CBFA2T3: variants seen among roughly 807,000 people sequenced by gnomAD.
CBFA2T3 encodes the protein transcriptional corepressor CBFA2T3.
CBFA2T3 carries 31 observed loss-of-function variants against 58.6 expected under a neutral mutation model. The ratio of observed to expected loss-of-function variants is 0.53; its 90% CI spans 0.40 to 0.71. The LOEUF (loss-of-function observed/expected upper bound fraction) is 0.71, where lower values mean the gene tolerates loss of function less well. Ranked by LOEUF, CBFA2T3 falls within the 30% of genes least tolerant of loss-of-function variation. The probability of loss-of-function intolerance (pLI) is 0.00; values close to 1 mark genes in which losing one functional copy is unlikely to be tolerated. For synonymous variants in CBFA2T3, 531 were observed against 421.9 expected (o/e 1.26, Z -3.17); for missense variants, 1,076 against 963.1 (o/e 1.12, Z -1.55).
At position 88,885,895 on chromosome 16, in the gene CBFA2T3, G is replaced by A. The variant is rs1453847008; in HGVS notation, c.893+66C>T. ...CAGAGGAGGTTCCCTCTCTTACCCA[G>A]AGGGGAGCAGGGTGAGCCGCGTGTC... On this transcript the variant is annotated intron_variant, in intron 6 of 11. Transcript: ENST00000268679. This position sits in a 1 kb window ranked among gnomAD's most constrained non-coding sequence, Gnocchi z 5.3. 1.4e-6 allele frequency: 2 copies of A among 1,416,882 alleles called. No individual in the cohort carries two copies. The highest frequency in any genetic ancestry group is 9.6e-7 in the Non-Finnish European group (1 of 1,037,944). The allele number at this position is 1,416,882 out of a possible 1,614,324, so 87.8% of individuals were successfully genotyped here. A position where few individuals can be genotyped will look rare whatever the true frequency, so the allele number is the denominator to read the frequency against.
At chr16:88,888,371 G>A (rs915356685) in intron 5 of CBFA2T3, among the ~76,000 whole-genome samples, 5 of 143,278 alleles carry the variant, frequency 3.5e-5, no homozygotes, top group African/African-American at 1.3e-4. Flanking sequence ...GGGACTGGCT[G>A]GGGGTCACTC....
chr16:88,935,314 A>G (rs1452147918), intron 1 of CBFA2T3, among the ~76,000 whole-genome samples: 1 of 152,154 alleles, frequency 6.6e-6, no homozygotes, highest in African/African-American at 2.4e-5. Context: ...TGTGGTGGCC[A>G]AGGCAAGGGG....
In CBFA2T3 at chr16:88,885,110, G is replaced by A; in HGVS notation, c.1053C>T (p.His351=). 3 of 1,602,764 alleles carry A rather than the reference G, an allele frequency of 1.9e-6. No individual in the cohort carries two copies. The highest frequency in any genetic ancestry group is 2.5e-6 in the Non-Finnish European group (3 of 1,177,420). The stretch of plus-strand genomic sequence containing the variant: ...GGTGGCGGTAGGCATCTCGGAAGTG[G>A]TGGGCCATGGCTATGTCCTCCAGGC... ...HYRLEDIAMA[H]HFRDAYRHPD... is the part of the protein sequence containing the mutation. Residue 351 remains histidine (H), a synonymous_variant, in exon 7 of 12, where the codon CAC becomes CAT. Transcript: ENST00000268679. The surrounding 1 kb of genome is among the most constrained non-coding windows in gnomAD (Gnocchi z 5.3).
rs1969796080 is a variant in CBFA2T3, at chr16:88,894,488, TAC to T, written c.380-2005_380-2004del. Among the ~76,000 whole-genome samples, 4 of 119,156 alleles carry T rather than the reference TAC, an allele frequency of 3.4e-5. 1 individual carries two copies. The South Asian group carries it at 7.5e-4, about 22-fold the overall frequency. The allele number at this position is 119,156 out of a possible 152,430, so 78.2% of individuals were successfully genotyped here. A position where few individuals can be genotyped will look rare whatever the true frequency, so the allele number is the denominator to read the frequency against. The stretch of plus-strand genomic sequence containing the variant: ...CATACATATACACATGCACACAATG[TAC>T]ACACATGCACACACACATGCACACA... On this transcript the variant is annotated intron_variant, in intron 3 of 11. Transcript: ENST00000268679.
chr16:88,913,178 C>T (rs1045594818), intron 1 of CBFA2T3, among the ~76,000 whole-genome samples: 6 of 152,230 alleles, frequency 3.9e-5, no homozygotes, highest in South Asian at 4.1e-4. Flanking sequence ...TGAGCCTGGA[C>T]GTCAGCGGCG....
intron 1 of CBFA2T3, among the ~76,000 whole-genome samples, chr16:88,917,877 T>C (rs1021671500): frequency 2.0e-5 from 3 of 151,646 alleles, no homozygotes; most frequent in African/African-American, 7.3e-5. Context: ...AGAGCGTGGG[T>C]GCGGACGAGA....
intron 11 of CBFA2T3, among the ~76,000 whole-genome samples, chr16:88,877,992 C>T (rs1968904839): frequency 1.3e-5 from 2 of 152,250 alleles, no homozygotes; most frequent in Non-Finnish European, 2.9e-5. Flanking sequence ...CACCCCACCT[C>T]GCCCTCACTG....
intron 1 of CBFA2T3, among the ~76,000 whole-genome samples, chr16:88,936,063 A>ACC (rs1263712134): frequency 6.6e-6 from 1 of 152,114 alleles, no homozygotes; most frequent in Non-Finnish European, 1.5e-5. Context: ...CCCACCTGTA[A>ACC]GAGGGTCTCA....
At chr16:88,909,446 C>T (rs1232834624) in intron 1 of CBFA2T3, among the ~76,000 whole-genome samples, 2 of 152,220 alleles carry the variant, frequency 1.3e-5, no homozygotes, top group Non-Finnish European at 2.9e-5. Flanking sequence ...ACCCCAGCGG[C>T]GGCTGGGACG....
chr16:88,910,546 C>A (rs1243509712), intron 1 of CBFA2T3, among the ~76,000 whole-genome samples: 1 of 152,210 alleles, frequency 6.6e-6, no homozygotes, highest in African/African-American at 2.4e-5. Context: ...CCGGAGCCAC[C>A]GTCATCTGAA....
At chr16:88,929,861 T>A (rs1412235232) in intron 1 of CBFA2T3, among the ~76,000 whole-genome samples, 1 of 149,492 alleles carries the variant, frequency 6.7e-6, no homozygotes, top group Non-Finnish European at 1.5e-5. Context: ...AAGCTACCCA[T>A]GCCCACAGCT....
chr16:88,888,784 G>C (rs916210657), intron 5 of CBFA2T3, among the ~76,000 whole-genome samples: 37 of 151,816 alleles, frequency 2.4e-4, no homozygotes, highest in African/African-American at 8.5e-4. Context: ...CAGACTTCAT[G>C]TCCCACTGGC....
intron 1 of CBFA2T3, among the ~76,000 whole-genome samples, chr16:88,907,883 G>A (rs1001043111): frequency 1.3e-5 from 2 of 152,254 alleles, no homozygotes; most frequent in Non-Finnish European, 2.9e-5. Flanking sequence ...GCATGCCTGA[G>A]TCTGCCCTGA....
chr16:88,897,937 A>G lies in CBFA2T3; in HGVS notation c.379+141T>C, dbSNP rs1255454379. ...GCCCTCTTCTCCCTAAGGAGGCAAG[A>G]CCAACACAACAGAGGCAATGCTGAG... On this transcript the variant is annotated intron_variant, in intron 3 of 11. Transcript: ENST00000268679. 4.4e-6 allele frequency: 3 copies of G among 676,170 alleles called. No homozygotes were observed. The African/African-American group carries it at 5.4e-5, about 12-fold the overall frequency. 41.9% of individuals were successfully genotyped at this position (676,170 alleles called of 1,614,324 possible).
intron 1 of CBFA2T3, among the ~76,000 whole-genome samples, chr16:88,971,765 T>G (rs1972661848): frequency 6.6e-6 from 1 of 152,168 alleles, no homozygotes; most frequent in Non-Finnish European, 1.5e-5. Flanking sequence ...CTGGCCGACG[T>G]CTCCTCGGAG....
intron 1 of CBFA2T3, among the ~76,000 whole-genome samples, chr16:88,968,067 G>A (rs1176397815): frequency 6.6e-6 from 1 of 152,260 alleles, no homozygotes; most frequent in East Asian, 1.9e-4. Context: ...GGGTCATGGG[G>A]CTGAGTTGGG....
chr16:88,922,576 T>C (rs553353618), intron 1 of CBFA2T3, among the ~76,000 whole-genome samples: 1 of 152,318 alleles, frequency 6.6e-6, no homozygotes, highest in African/African-American at 2.4e-5. Context: ...AGTCTGCCTC[T>C]CCTATCCCAC....
chr16:88,951,555 G>T (rs542413808), intron 1 of CBFA2T3: 3 of 364,800 alleles, frequency 8.2e-6, no homozygotes, highest in Admixed American at 3.7e-5. Context: ...GGTGGCGACC[G>T]GGTTGCTGCC....
rs199872949 is a variant in CBFA2T3 at position 88,908,983 on chromosome 16, C to CT, written c.152-7328dup. On this transcript the variant is annotated intron_variant, in intron 1 of 11. Transcript: ENST00000268679. ...TGGGCACCTGGCTCTGGATCCGATCCTCTCCGTGGGTTTGGAATATGCTCC... is the reference window on the plus strand; with the variant it reads ...TGGGCACCTGGCTCTGGATCCGATCCTTCTCCGTGGGTTTGGAATATGCTCC... 9.5e-3 allele frequency among the ~76,000 whole-genome samples: 1,453 copies of CT among 152,280 alleles called. 23 individuals carry two copies. Among genetic ancestry groups the CT allele is most frequent in the African/African-American group, 0.033 (1,385 of 41,564 alleles).
Sources: allele counts gnomAD v4.1 joint callset (sites outside exome capture counted in the v4.1 genomes callset), GRCh38; gene constraint gnomAD v4.1.1; non-coding constraint Gnocchi (gnomAD v3.1); transcripts MANE v1.5; gene names NCBI Gene and HGNC (gene_info 2026-07-23, HGNC 2026-07-21).